The following IRF2 variants were observed in gnomAD, a reference collection of about 807,000 sequenced individuals.
IRF2 encodes the protein interferon regulatory factor 2.
IRF2 carries 15 observed loss-of-function variants against 40.6 expected under a neutral mutation model. The ratio of observed to expected loss-of-function variants is 0.37; its 90% CI spans 0.25 to 0.57. The LOEUF is 0.57. Among genes scored for constraint, IRF2 ranks in the 20% least tolerant of loss-of-function variants. The probability of loss-of-function intolerance (pLI) is 0.77; values close to 1 mark genes in which losing one functional copy is unlikely to be tolerated. For synonymous variants in IRF2, 151 were observed against 165.5 expected, an observed-to-expected ratio of 0.91 and a Z score of 0.67; for missense variants, 317 against 455.7, an observed-to-expected ratio of 0.70 and a Z score of 2.77.
At chr4:184,406,646 G>T (rs534991844) in intron 6 of IRF2, among the ~76,000 whole-genome samples, 1 of 152,320 alleles carries the variant, frequency 6.6e-6, no homozygotes, top group East Asian at 1.9e-4. Flanking sequence ...CCATAGCCCT[G>T]TGTCACCGCT....
chr4:184,473,258 C>T (rs1472399407), intron 1 of IRF2, among the ~76,000 whole-genome samples: 13 of 150,068 alleles, frequency 8.7e-5, no homozygotes, highest in Non-Finnish European at 1.2e-4. Context: ...CCCGCCGCGG[C>T]CCGCGCCCCG....
At chr4:184,468,129 C>T (rs751668103) in intron 1 of IRF2, among the ~76,000 whole-genome samples, 1 of 152,192 alleles carries the variant, frequency 6.6e-6, no homozygotes, top group Non-Finnish European at 1.5e-5. Flanking sequence ...GCCTAATTCT[C>T]CATGGCCTTC....
intron 2 of IRF2, among the ~76,000 whole-genome samples, chr4:184,426,291 C>T (rs1244659411): frequency 6.6e-6 from 1 of 152,106 alleles, no homozygotes; most frequent in African/African-American, 2.4e-5. Context: ...GCGGGGATTA[C>T]AGGCGTGAGC....
chr4:184,425,804 G>A (rs1737647810), intron 2 of IRF2, among the ~76,000 whole-genome samples: 1 of 152,142 alleles, frequency 6.6e-6, no homozygotes, highest in Non-Finnish European at 1.5e-5. Context: ...GGAAGAAAAG[G>A]CATCTCAACT....
chr4:184,390,637 A>G, intron 8 of IRF2, 66 bp downstream of exon 8: 1 of 1,510,826 alleles, frequency 6.6e-7, no homozygotes, highest in Non-Finnish European at 9.2e-7. Flanking sequence ...AGCAGCAAGG[A>G]AAGCCCGGAG....
At chr4:184,443,452 G>C (rs1041452085) in intron 1 of IRF2, among the ~76,000 whole-genome samples, 5 of 152,144 alleles carry the variant, frequency 3.3e-5, no homozygotes, top group African/African-American at 1.2e-4. Flanking sequence ...CGTCTTATAA[G>C]TGAGAACATG....
rs2149893169 is a variant in IRF2 at position 184,398,988 on chromosome 4, A to G, written c.621T>C (p.Thr207=). 6.2e-7 allele frequency: 1 copy of G among 1,613,678 alleles called. No individual in the cohort carries two copies. Among genetic ancestry groups the G allele is most frequent in the Middle Eastern group, 1.7e-4 (1 of 6,058 alleles). ...PDICQVVEVT[T]ESDEQPVSMS... Reference sequence around the variant, plus strand: ...TGCTGACCGGCTGCTCGTCGCTCTCAGTGGTCACCTCTACAACTTGGCAAA... The same window carrying G: ...TGCTGACCGGCTGCTCGTCGCTCTCGGTGGTCACCTCTACAACTTGGCAAA... Residue 207 remains threonine (T), a synonymous_variant, in exon 7 of 9, where the codon ACT becomes ACC. Coordinates refer to ENST00000393593, the MANE Select transcript of IRF2 (RefSeq NM_002199.4).
chr4:184,457,771 C>T (rs1318167068), intron 1 of IRF2, among the ~76,000 whole-genome samples: 3 of 152,088 alleles, frequency 2.0e-5, no homozygotes, highest in South Asian at 2.1e-4. Flanking sequence ...AGCTGCGACA[C>T]GCCCTGCTGC....
In IRF2 at chr4:184,418,522, A is replaced by G. The variant is rs754090724; in HGVS notation, c.364+10T>C. 1.9e-6 allele frequency: 3 copies of G among 1,612,858 alleles called. No homozygotes were observed. The African/African-American group carries it at 4.0e-5, about 21-fold the overall frequency. On this transcript the variant is annotated intron_variant, in intron 4 of 8. Coordinates refer to ENST00000393593, the MANE Select transcript of IRF2 (RefSeq NM_002199.4). ...TGATTTACCTTATTTTAGTCTGTAA[A>G]TGCCTTTACCTTTCTTAGAAGGCCG...
chr4:184,441,672 G>A (rs1414302332), intron 1 of IRF2, among the ~76,000 whole-genome samples: 1 of 152,210 alleles, frequency 6.6e-6, no homozygotes, highest in Non-Finnish European at 1.5e-5. Context: ...TTACCAGGAT[G>A]TTGTCAATAT....
At chr4:184,426,090 A>G (rs1482373380) in intron 2 of IRF2, among the ~76,000 whole-genome samples, 2 of 152,038 alleles carry the variant, frequency 1.3e-5, no homozygotes, top group Non-Finnish European at 2.9e-5. Context: ...AACCTCCACC[A>G]CTGCAACCTC....
chr4:184,403,010 G>A lies in IRF2; in HGVS notation c.530-3931C>T, dbSNP rs375620820. The stretch of plus-strand genomic sequence containing the variant: ...ATCCTGAATGCGGCTGACCAGGAGA[G>A]AAAAGTCAGTCTGTTTTCTGGGCTA... On this transcript the variant is annotated intron_variant, in intron 6 of 8. Transcript: ENST00000393593. Among the ~76,000 whole-genome samples the A allele has an allele frequency of 1.9e-4, 29 of 152,292 alleles. 1 individual carries two copies. The South Asian group carries it at 6.0e-3, about 32-fold the overall frequency.
intron 1 of IRF2, among the ~76,000 whole-genome samples, chr4:184,438,552 G>C (rs1487440033): frequency 1.3e-5 from 2 of 152,196 alleles, no homozygotes; most frequent in African/African-American, 4.8e-5. Flanking sequence ...TCCCGACAGT[G>C]TGTGTGCAGG....
At chr4:184,446,567 C>G (rs1738516916) in intron 1 of IRF2, among the ~76,000 whole-genome samples, 2 of 152,132 alleles carry the variant, frequency 1.3e-5, no homozygotes, top group Admixed American at 1.3e-4. Flanking sequence ...AGGCTTTTGA[C>G]TACTGGAGAA....
chr4:184,389,266 G>A (rs1038075170), intron 8 of IRF2, among the ~76,000 whole-genome samples, 200 bp from the exon 9 acceptor site: 13 of 151,966 alleles, frequency 8.6e-5, no homozygotes, highest in Admixed American at 2.6e-4. Context: ...CAAAACGTAA[G>A]AATTAGCTAG....
chr4:184,422,505 A>G (rs1367341724), intron 2 of IRF2, among the ~76,000 whole-genome samples: 1 of 152,250 alleles, frequency 6.6e-6, no homozygotes, highest in African/African-American at 2.4e-5. Flanking sequence ...CTACTTTCAA[A>G]AGCCAAAAGA....
rs1303597193 is a variant in IRF2, at chr4:184,408,466, G to A, written c.412-191C>T. Reference sequence around the variant, plus strand: ...ATTTCTGCCCAGGGTGCACTGCTGGGTATTCAGCTCCTTCCATTTTCCTTC... The same window carrying A: ...ATTTCTGCCCAGGGTGCACTGCTGGATATTCAGCTCCTTCCATTTTCCTTC... On this transcript the variant is annotated intron_variant, in intron 5 of 8. Coordinates refer to ENST00000393593, the MANE Select transcript of IRF2 (RefSeq NM_002199.4). The surrounding 1 kb of genome is among the most constrained non-coding windows in gnomAD (Gnocchi z 4.9). Among the ~76,000 whole-genome samples the A allele has an allele frequency of 1.3e-5, 2 of 152,142 alleles. 1 individual carries two copies. The highest frequency in any genetic ancestry group is 2.9e-5 in the Non-Finnish European group (2 of 68,030).
At chr4:184,460,655 A>G (rs793800) in intron 1 of IRF2, among the ~76,000 whole-genome samples, 24,623 of 134,954 alleles carry the variant, frequency 0.18, 2,364 homozygotes, top group Middle Eastern at 0.31. Context: ...ACACACACAC[A>G]CATGCACGCG....
At chr4:184,450,484 A>G (rs1172512640) in intron 1 of IRF2, among the ~76,000 whole-genome samples, 1 of 152,248 alleles carries the variant, frequency 6.6e-6, no homozygotes, top group Non-Finnish European at 1.5e-5. Flanking sequence ...TCTGAAATGA[A>G]AAAATGTAAT....
Sources: allele counts gnomAD v4.1 joint callset (sites outside exome capture counted in the v4.1 genomes callset), GRCh38; gene constraint gnomAD v4.1.1; non-coding constraint Gnocchi (gnomAD v3.1); transcripts MANE v1.5; gene names NCBI Gene and HGNC (gene_info 2026-07-23, HGNC 2026-07-21).